RNF130: variants seen among roughly 807,000 people sequenced by gnomAD.
The protein encoded by RNF130 is E3 ubiquitin-protein ligase RNF130.
Under a neutral mutation model 44.6 loss-of-function variants are expected in RNF130, and 21 were observed. The ratio of observed to expected loss-of-function variants is 0.47; its 90% confidence interval spans 0.33 to 0.68. RNF130 has a LOEUF of 0.68. Among genes scored for constraint, RNF130 ranks in the 30% least tolerant of loss-of-function variants. The pLI is 0.02. For synonymous variants in RNF130, 214 were observed against 210.4 expected (o/e 1.02, Z -0.15); for missense variants, 479 against 560.6 (o/e 0.85, Z 1.47).
chr5:179,959,801 T>C (rs1021109928), intron 8 of RNF130, among the ~76,000 whole-genome samples: 2 of 152,230 alleles, frequency 1.3e-5, no homozygotes, highest in Admixed American at 1.3e-4. Flanking sequence ...AGCCAGGGCT[T>C]CCTGATCTCC....
intron 8 of RNF130, among the ~76,000 whole-genome samples, chr5:179,962,616 T>C (rs1208396863): frequency 6.6e-6 from 1 of 152,220 alleles, no homozygotes; most frequent in East Asian, 1.9e-4. Context: ...GTCCAAAATT[T>C]AGAACAAAAC....
chr5:180,021,197 A>G (rs1214387183), intron 2 of RNF130, among the ~76,000 whole-genome samples: 1 of 151,992 alleles, frequency 6.6e-6, no homozygotes, highest in African/African-American at 2.4e-5. Context: ...CAATCACCTG[A>G]TAGGATGGTC....
At chr5:180,028,441 T>C (rs1210642335) in intron 2 of RNF130, among the ~76,000 whole-genome samples, 1 of 152,206 alleles carries the variant, frequency 6.6e-6, no homozygotes, top group African/African-American at 2.4e-5. Flanking sequence ...ACCAGATTTT[T>C]GATTCATGTG....
intron 7 of RNF130, among the ~76,000 whole-genome samples, chr5:179,921,731 A>C (rs373096468): frequency 5.9e-5 from 9 of 152,222 alleles, no homozygotes; most frequent in African/African-American, 9.6e-5. Flanking sequence ...CAGGAGGTGG[A>C]GGTTGCAGTG....
rs564019657 is a variant in RNF130, at chr5:179,921,186, T to C, written c.1151-760A>G. 6.6e-5 allele frequency among the ~76,000 whole-genome samples: 10 copies of C among 152,326 alleles called. No homozygotes were observed. In the South Asian group the frequency reaches 2.1e-3, roughly 32 times the overall value. On this transcript the variant is annotated intron_variant, in intron 7 of 7. Transcript: ENST00000522208. The stretch of plus-strand genomic sequence containing the variant: ...ATCATTTGGTGAGTTCTGACAGCTG[T>C]ATAGGCCAGTGACACCGACACCACC...
chr5:180,068,214 A>G (rs1006968435), intron 1 of RNF130, among the ~76,000 whole-genome samples: 1 of 152,250 alleles, frequency 6.6e-6, no homozygotes, highest in African/African-American at 2.4e-5. Flanking sequence ...GCACACACAT[A>G]AAGCACATTT....
intron 1 of RNF130, among the ~76,000 whole-genome samples, chr5:180,045,985 C>T (rs71613437): frequency 0.13 from 19,140 of 152,234 alleles, 1,361 homozygotes; most frequent in East Asian, 0.25. Flanking sequence ...TGGATGGGAC[C>T]GAGCCCCGTG....
chr5:179,963,808 G>C, intron 7 of RNF130: 1 of 509,420 alleles, frequency 2.0e-6, no homozygotes, highest in Non-Finnish European at 3.6e-6. Flanking sequence ...TTTAGGTCCT[G>C]AGGTCTGTGA....
At chr5:179,933,479 T>C (rs536667566) in intron 7 of RNF130, among the ~76,000 whole-genome samples, 2 of 151,560 alleles carry the variant, frequency 1.3e-5, no homozygotes, top group African/African-American at 4.8e-5. Flanking sequence ...ATTTATTTAT[T>C]GTGGTTTTTG....
chr5:179,962,809 T>C (rs1471844094), intron 8 of RNF130, among the ~76,000 whole-genome samples: 2 of 152,104 alleles, frequency 1.3e-5, no homozygotes, highest in Non-Finnish European at 2.9e-5. Context: ...TTCCCAGTCC[T>C]GAGCGTGCCC....
rs144137107 is a variant in RNF130 at position 179,955,215 on chromosome 5, TCA to T, written c.*437_*438del. 2,129 of 155,644 alleles carry T rather than the reference TCA, an allele frequency of 0.014. 61 individuals are homozygous for T. The highest frequency in any genetic ancestry group is 0.049 in the African/African-American group (2,046 of 41,722). 9.6% of individuals were successfully genotyped at this position (155,644 alleles called of 1,614,324 possible). On this transcript the variant is annotated 3_prime_UTR_variant, in exon 9 of 9. Coordinates refer to ENST00000521389, the MANE Select transcript of RNF130 (RefSeq NM_018434.6). ...CTGATCAACCACAGAGAAGAAATTA[TCA>T]CAGAGTGAATGTCCCCCTTGAAGAA...
downstream of RNF130, among the ~76,000 whole-genome samples, chr5:179,950,165 T>A (rs1762104731): frequency 6.6e-6 from 1 of 151,738 alleles, no homozygotes; most frequent in Admixed American, 6.6e-5. Context: ...GGTGATGGAG[T>A]GAAATGGCAT....
chr5:180,063,647 T>G (rs927603855), intron 1 of RNF130, among the ~76,000 whole-genome samples: 2 of 152,176 alleles, frequency 1.3e-5, no homozygotes, highest in African/African-American at 4.8e-5. Context: ...CCTGTCTCAG[T>G]GTTGTCTTAT....
chr5:179,988,807 T>C (rs974944459), intron 3 of RNF130, among the ~76,000 whole-genome samples: 5 of 152,212 alleles, frequency 3.3e-5, no homozygotes, highest in Admixed American at 1.3e-4. Context: ...GTCTAATATA[T>C]AGTGTTTCTA....
At chr5:179,980,380 GA>G (rs35598193) in intron 3 of RNF130, 180 bp from the exon 4 acceptor site, 1 of 574,620 alleles carries the variant, frequency 1.7e-6, no homozygotes, top group East Asian at 2.9e-5. Flanking sequence ...CATTCTGGTT[GA>G]AAAGTAAAAA....
chr5:179,921,765 G>A (rs994510732), intron 7 of RNF130, among the ~76,000 whole-genome samples: 9 of 151,094 alleles, frequency 6.0e-5, no homozygotes, highest in Non-Finnish European at 1.5e-5. Context: ...CCACACGCCT[G>A]TCATCCCAGC....
chr5:179,985,993 ATC>A (rs762736878), intron 3 of RNF130, among the ~76,000 whole-genome samples: 11 of 152,214 alleles, frequency 7.2e-5, no homozygotes, highest in Admixed American at 2.0e-4. Flanking sequence ...TTAAAGCCAA[ATC>A]TCTTTCTAAA....
At position 179,988,782 on chromosome 5, in the gene RNF130, G is replaced by T. The variant is rs539562868; in HGVS notation, c.694-8582C>A. On this transcript the variant is annotated intron_variant, in intron 3 of 8. Coordinates refer to ENST00000521389, the MANE Select transcript of RNF130 (RefSeq NM_018434.6). ...TGATTTCTATTTTTAAAAATTTGTTGAGACTTGTTTTGTGGTCTAATATAT... is the reference window on the plus strand; with the variant it reads ...TGATTTCTATTTTTAAAAATTTGTTTAGACTTGTTTTGTGGTCTAATATAT... Among the ~76,000 whole-genome samples the T allele has an allele frequency of 5.3e-5, 8 of 152,252 alleles. No individual in the cohort carries two copies. The South Asian group carries it at 1.7e-3, about 32-fold the overall frequency.
At chr5:179,948,628 G>A (rs915603510) in intron 7 of RNF130, among the ~76,000 whole-genome samples, 7 of 152,170 alleles carry the variant, frequency 4.6e-5, no homozygotes, top group Admixed American at 2.0e-4. Context: ...CCGAGATCAC[G>A]CCACTGCATT....
Sources: gnomAD v4.1 joint callset for allele counts (sites outside exome capture counted in the v4.1 genomes callset) on GRCh38, gnomAD v4.1.1 for gene constraint, MANE v1.5 for transcripts, NCBI Gene and HGNC (gene_info 2026-07-23, HGNC 2026-07-21) for gene names.